The following ASCC3 variants were observed in gnomAD, a reference collection of about 807,000 sequenced individuals.
The protein encoded by ASCC3 is ASC-1 complex subunit P200.
A neutral mutation model predicts 256.3 loss-of-function variants in ASCC3; 158 were observed. The observed-to-expected ratio is 0.62, with a 90% confidence interval of 0.54 to 0.70. The LOEUF is 0.70. ASCC3 is among the 30% of genes least tolerant of loss of function. The pLI, the probability that ASCC3 is intolerant of heterozygous loss-of-function variation, is 0.00. For synonymous variants in ASCC3, 948 were observed against 883.4 expected (o/e 1.07, Z -1.30); for missense variants, 2,259 against 2,626.0 (o/e 0.86, Z 3.05).
intron 10 of ASCC3, among the ~76,000 whole-genome samples, chr6:100,727,426 C>T (rs1020563086): frequency 6.6e-6 from 1 of 151,824 alleles, no homozygotes; most frequent in African/African-American, 2.4e-5. Context: ...TGTAATAAAG[C>T]CTCCGAGAGG....
rs10696130 is a variant in ASCC3 at position 100,681,725 on chromosome 6, C to CAAAAAAAAAAAAAAAAAA, written c.2152-1991_2152-1974dup. The stretch of plus-strand genomic sequence containing the variant: ...CTGGCAACAGAGCGAGACTCCGTCT[C>CAAAAAAAAAAAAAAAAAA]AAAAAAAAAAAAAAAAAAAAAAGAA... On this transcript the variant is annotated intron_variant, in intron 13 of 41. Coordinates refer to ENST00000369162, the MANE Select transcript of ASCC3 (RefSeq NM_006828.4). Among the ~76,000 whole-genome samples the CAAAAAAAAAAAAAAAAAA allele has an allele frequency of 1.9e-4, 11 of 58,658 alleles. 1 individual carries two copies. In the South Asian group the frequency reaches 2.6e-3, roughly 14 times the overall value. The allele number at this position is 58,658 out of a possible 152,430, so 38.5% of individuals were successfully genotyped here.
chr6:100,682,691 T>A (rs1401310456), intron 13 of ASCC3, among the ~76,000 whole-genome samples: 1 of 152,230 alleles, frequency 6.6e-6, no homozygotes, highest in Non-Finnish European at 1.5e-5. Flanking sequence ...TCTAAATTCA[T>A]ACATTACTGT....
intron 17 of ASCC3, among the ~76,000 whole-genome samples, chr6:100,653,104 T>G (rs1412644240): frequency 6.6e-6 from 1 of 152,174 alleles, no homozygotes; most frequent in Non-Finnish European, 1.5e-5. Flanking sequence ...AAATTATCAA[T>G]GTGCATATTC....
chr6:100,767,698 TC>T (rs1304920560), intron 8 of ASCC3, among the ~76,000 whole-genome samples: 28 of 152,074 alleles, frequency 1.8e-4, no homozygotes, highest in African/African-American at 6.5e-4. Context: ...AAGCTCTGCC[TC>T]CCAGGTTCAT....
At chr6:100,669,214 T>C (rs1776618968) in intron 14 of ASCC3, among the ~76,000 whole-genome samples, 1 of 149,808 alleles carries the variant, frequency 6.7e-6, no homozygotes, top group Non-Finnish European at 1.5e-5. Flanking sequence ...ATTACATATT[T>C]TCTAAAAATG....
intron 7 of ASCC3, 89 bp downstream of exon 7, chr6:100,799,342 T>C: frequency 7.0e-7 from 1 of 1,422,858 alleles, no homozygotes; most frequent in Non-Finnish European, 9.8e-7. Context: ...TCAACTAGTG[T>C]TAGACTCACG....
In ASCC3 at chr6:100,647,214, C is replaced by T. The variant is rs796342914; in HGVS notation, c.3478+12G>A. 1 of 1,585,316 alleles carries T rather than the reference C, an allele frequency of 6.3e-7. No individual in the cohort carries two copies. On this transcript the variant is annotated intron_variant, in intron 21 of 41. Coordinates refer to ENST00000369162, the MANE Select transcript of ASCC3 (RefSeq NM_006828.4). ...AAAACAATACATTCAAACATATTTG[C>T]TTCCTTCTTACCTATTTCATCTTTC... is the stretch of plus-strand genomic sequence containing the variant.
chr6:100,839,075 CAATATATTACATGT>C (rs1156688531), intron 4 of ASCC3, among the ~76,000 whole-genome samples: 1 of 152,050 alleles, frequency 6.6e-6, no homozygotes, highest in African/African-American at 2.4e-5. Context: ...TTCCCCATAT[CAATATATTACATGT>C]AACTCTCCAT....
At chr6:100,629,998 G>A (rs143010255) in intron 26 of ASCC3, among the ~76,000 whole-genome samples, 4,602 of 151,898 alleles carry the variant, frequency 0.03, 79 homozygotes, top group African/African-American at 0.055. Context: ...CCCGGGTTCA[G>A]GTGATTCTCC....
At chr6:100,759,641 T>G (rs1781341223) in intron 10 of ASCC3, among the ~76,000 whole-genome samples, 1 of 152,186 alleles carries the variant, frequency 6.6e-6, no homozygotes, top group Non-Finnish European at 1.5e-5. Flanking sequence ...CTATCCAGGG[T>G]CTTCTTTGAT....
intron 34 of ASCC3, among the ~76,000 whole-genome samples, chr6:100,591,818 T>C (rs1010372878): frequency 2.6e-5 from 4 of 152,018 alleles, no homozygotes; most frequent in African/African-American, 9.7e-5. Flanking sequence ...CGTTGTCCTA[T>C]ATATAACTGG....
chr6:100,562,572 C>T (rs897919126), intron 36 of ASCC3, among the ~76,000 whole-genome samples: 2 of 152,052 alleles, frequency 1.3e-5, no homozygotes, highest in African/African-American at 2.4e-5. Context: ...CTTTTTCCCA[C>T]TGATTCCCTT....
intron 39 of ASCC3, among the ~76,000 whole-genome samples, chr6:100,514,430 T>C (rs1432300533): frequency 6.6e-6 from 1 of 152,166 alleles, no homozygotes; most frequent in Non-Finnish European, 1.5e-5. Flanking sequence ...ACTTGTTATG[T>C]TTCTTTACCT....
Position 100,767,257 on chromosome 6 carries a change from A to G in ASCC3, c.1484T>C (p.Met495Thr), listed in dbSNP as rs771165250. 1.2e-6 allele frequency: 2 copies of G among 1,614,078 alleles called. No individual in the cohort carries two copies. The highest frequency in any genetic ancestry group is 1.1e-5 in the South Asian group (1 of 91,078). ...FETAYNTNEN[M>T]LICAPTGAGK... ...AGCTCCTGTAGGGGCACAAATCAGC[A>G]TGTTCTCATTGGTGTTGTAGGCAGT... Residue 495 changes from methionine to threonine, a missense_variant, in exon 9 of 42, where the codon ATG becomes ACG. Around this residue, in one of 2 missense-constraint regions of ASCC3, gnomAD observed 1,839 missense variants for 2,206.7 expected, o/e 0.83. Transcript: ENST00000369162.
chr6:100,732,767 T>C (rs1403854202), intron 10 of ASCC3, among the ~76,000 whole-genome samples: 1 of 116,676 alleles, frequency 8.6e-6, no homozygotes, highest in Non-Finnish European at 1.8e-5. Flanking sequence ...TGAAATGCAA[T>C]GGTCATCTAT....
intron 4 of ASCC3, among the ~76,000 whole-genome samples, chr6:100,829,027 TAC>T (rs1771479464): frequency 6.6e-6 from 1 of 152,142 alleles, no homozygotes; most frequent in Non-Finnish European, 1.5e-5. Context: ...ATTAGCTAGA[TAC>T]AGAGTGTCCA....
At chr6:100,812,255 A>G (rs12528607) in intron 4 of ASCC3, among the ~76,000 whole-genome samples, 59,273 of 152,032 alleles carry the variant, frequency 0.39, 12,858 homozygotes, top group Middle Eastern at 0.56. Context: ...TCATTTTCTA[A>G]TGAAAAATTA....
chr6:100,738,898 T>C (rs1780301867), intron 10 of ASCC3, among the ~76,000 whole-genome samples: 1 of 152,196 alleles, frequency 6.6e-6, no homozygotes, highest in Non-Finnish European at 1.5e-5. Context: ...AAAGATAATT[T>C]CACTTCTTCT....
At chr6:100,713,524 T>A (rs771981378) in intron 13 of ASCC3, among the ~76,000 whole-genome samples, 1 of 152,188 alleles carries the variant, frequency 6.6e-6, no homozygotes, top group Non-Finnish European at 1.5e-5. Context: ...TCATGCAATG[T>A]ACAAAACAAA....
Sources: allele counts gnomAD v4.1 joint callset (sites outside exome capture counted in the v4.1 genomes callset), GRCh38; gene constraint gnomAD v4.1.1; regional missense constraint gnomAD v4.1.1; transcripts MANE v1.5; gene names NCBI Gene and HGNC (gene_info 2026-07-23, HGNC 2026-07-21).